NEIL2: variants seen among roughly 807,000 people sequenced by gnomAD.
NEIL2 encodes endonuclease 8-like 2.
In NEIL2, 23 loss-of-function variants were observed where a neutral mutation model predicts 22.2. The ratio of observed to expected loss-of-function variants is 1.04; its 90% confidence interval spans 0.75 to 1.47. The LOEUF (loss-of-function observed/expected upper bound fraction) is 1.47. Ranked by LOEUF, NEIL2 falls within the 40% of genes most tolerant of loss-of-function variation. The pLI, the probability that NEIL2 is intolerant of heterozygous loss-of-function variation, is 0.00. For missense variants in NEIL2, 583 were observed against 404.7 expected, an observed-to-expected ratio of 1.44 and a Z score of -3.78; for synonymous variants, 229 against 164.8, an observed-to-expected ratio of 1.39 and a Z score of -2.99.
Position 11,769,930 on chromosome 8 carries a change from C to G in NEIL2, c.-408C>G, listed in dbSNP as rs537869905. 3.3e-5 allele frequency: 5 copies of G among 152,450 alleles called. No individual in the cohort carries two copies. 9.4% of individuals were successfully genotyped at this position (152,450 alleles called of 1,614,324 possible). On this transcript the variant is annotated 5_prime_UTR_variant, in exon 1 of 5. Coordinates refer to ENST00000284503, the MANE Select transcript of NEIL2 (RefSeq NM_145043.4). Reference sequence around the variant, plus strand: ...TGCTGCCCACGCCTGGAGGCCCCCACTGACCCTCAGACCCGCGTCTGCGCC... The same window carrying G: ...TGCTGCCCACGCCTGGAGGCCCCCAGTGACCCTCAGACCCGCGTCTGCGCC...
intron 4 of NEIL2, among the ~76,000 whole-genome samples, chr8:11,784,561 T>A (rs1446220188): frequency 1.3e-5 from 2 of 152,160 alleles, no homozygotes; most frequent in Non-Finnish European, 2.9e-5. Flanking sequence ...ACAGCAGGAA[T>A]TTCCTTCACC....
intron 3 of NEIL2, among the ~76,000 whole-genome samples, chr8:11,782,177 C>G (rs1176367225): frequency 6.6e-6 from 1 of 152,076 alleles, no homozygotes. Context: ...AATCCCAGCA[C>G]TTTACGAGGC....
chr8:11,780,089 GC>G, intron 3 of NEIL2, 139 bp downstream of exon 3: 1 of 677,324 alleles, frequency 1.5e-6, no homozygotes, highest in Non-Finnish European at 2.5e-6. Flanking sequence ...GGGGAGAGAG[GC>G]CACCTCTGTA....
Position 11,785,963 on chromosome 8 carries a change from G to A in NEIL2, c.689G>A (p.Gly230Glu), listed in dbSNP as rs1418662754. The A allele has an allele frequency of 6.2e-7, 1 of 1,613,684 alleles. No homozygotes were observed. Among genetic ancestry groups the A allele is most frequent in the African/African-American group, 1.3e-5 (1 of 74,854 alleles). Reference sequence around the variant, plus strand: ...CTTACCTTCCCCCGCTTTATTTCAGGGAACATCATTAAGAATGAAGCCTTG... The same window carrying A: ...CTTACCTTCCCCCGCTTTATTTCAGAGAACATCATTAAGAATGAAGCCTTG... Reference protein sequence around the residue: ...LLDQRYFSGLGNIIKNEALYR... With the variant: ...LLDQRYFSGLENIIKNEALYR... Residue 230 changes from glycine (G) to glutamate (E), a missense_variant and splice_region_variant, in exon 5 of 5, where the codon GGG becomes GAG. By Grantham distance (98) the Gly-to-Glu change is moderately conservative (BLOSUM62 -2). Transcript: ENST00000284503.
chr8:11,771,017 G>A (rs887201942), intron 1 of NEIL2, among the ~76,000 whole-genome samples: 2 of 152,192 alleles, frequency 1.3e-5, no homozygotes, highest in African/African-American at 2.4e-5. Flanking sequence ...TAAGTCGGCA[G>A]CAGTGGGTCA....
At chr8:11,781,354 C>G (rs976543153) in intron 3 of NEIL2, among the ~76,000 whole-genome samples, 1 of 152,152 alleles carries the variant, frequency 6.6e-6, no homozygotes, top group African/African-American at 2.4e-5. Context: ...TTTGCACTTT[C>G]CACGCATTGG....
chr8:11,772,754 G>A (rs1298340498), intron 2 of NEIL2, among the ~76,000 whole-genome samples: 2 of 152,202 alleles, frequency 1.3e-5, no homozygotes, highest in African/African-American at 4.8e-5. Context: ...CTGCTGCTTA[G>A]CCGTGTGCTC....
chr8:11,770,495 G>C (rs1162365014), intron 1 of NEIL2, among the ~76,000 whole-genome samples, 160 bp downstream of exon 1: 4 of 152,216 alleles, frequency 2.6e-5, no homozygotes, highest in Admixed American at 2.0e-4. Context: ...CCGAATATGA[G>C]AATGCCGAGA....
chr8:11,786,325 T>C lies in NEIL2; in HGVS notation c.*52T>C, dbSNP rs1563269604. 6.4e-7 allele frequency: 1 copy of C among 1,555,560 alleles called. No individual in the cohort carries two copies. Among genetic ancestry groups the C allele is most frequent in the Admixed American group, 1.8e-5 (1 of 54,870 alleles). On this transcript the variant is annotated 3_prime_UTR_variant, in exon 5 of 5. Coordinates refer to ENST00000284503, the MANE Select transcript of NEIL2 (RefSeq NM_145043.4). ...CTTGCCGCTTGGGGAACCTGACGTCTAAGTGTCCAGAAAGGAGGATGTGGG... is the reference window on the plus strand; with the variant it reads ...CTTGCCGCTTGGGGAACCTGACGTCCAAGTGTCCAGAAAGGAGGATGTGGG...
intron 2 of NEIL2, among the ~76,000 whole-genome samples, chr8:11,779,353 T>C (rs804256): frequency 0.29 from 43,955 of 152,208 alleles, 7,520 homozygotes; most frequent in Admixed American, 0.37. Context: ...AGGGTGGCCT[T>C]GCCATCTTGC....
chr8:11,785,372 T>A (rs1408178300), intron 4 of NEIL2, among the ~76,000 whole-genome samples: 1 of 151,936 alleles, frequency 6.6e-6, no homozygotes, highest in Non-Finnish European at 1.5e-5. Flanking sequence ...ATTTTTGTAT[T>A]TTTGGTAGAG....
intron 2 of NEIL2, 23 bp downstream of exon 2, chr8:11,771,608 G>C (rs750545682): frequency 1.9e-6 from 3 of 1,606,328 alleles, no homozygotes; most frequent in Admixed American, 3.4e-5. Context: ...TCCTCTGAAG[G>C]GTTGGCTCTG....
At chr8:11,784,555 C>T (rs1165320475) in intron 4 of NEIL2, among the ~76,000 whole-genome samples, 1 of 152,166 alleles carries the variant, frequency 6.6e-6, no homozygotes, top group African/African-American at 2.4e-5. Context: ...TTGGAAACAG[C>T]AGGAATTTCC....
chr8:11,786,258 G>T lies in NEIL2; in HGVS notation c.984G>T (p.Gln328His), dbSNP rs745588492. 6.1e-5 allele frequency: 98 copies of T among 1,612,210 alleles called. No homozygotes were observed. The Middle Eastern group carries it at 1.3e-3, about 21-fold the overall frequency. The part of the protein sequence containing the change: ...CQPQLSEEPE[Q>H]CQFS ...CCCAGTTGTCAGAGGAGCCAGAGCAGTGCCAGTTCTCCTAAGGAGCTGGTG... is the reference window on the plus strand; with the variant it reads ...CCCAGTTGTCAGAGGAGCCAGAGCATTGCCAGTTCTCCTAAGGAGCTGGTG... Residue 328 changes from glutamine (Q) to histidine (H), a missense_variant, in exon 5 of 5, where the codon CAG becomes CAT. Coordinates refer to ENST00000284503, the MANE Select transcript of NEIL2 (RefSeq NM_145043.4).
chr8:11,770,866 T>G (rs2686211), intron 1 of NEIL2, among the ~76,000 whole-genome samples: 1 of 152,092 alleles, frequency 6.6e-6, no homozygotes, highest in African/African-American at 2.4e-5. Context: ...TCTGTAGCTA[T>G]GCCGGGCTTA....
chr8:11,782,758 C>A (rs938344122), intron 3 of NEIL2: 1 of 272,248 alleles, frequency 3.7e-6, no homozygotes, highest in Non-Finnish European at 7.2e-6. Context: ...ACAGAGTGTG[C>A]TCTGACTACG....
At chr8:11,773,635 A>G (rs1048616076) in intron 2 of NEIL2, among the ~76,000 whole-genome samples, 1 of 152,100 alleles carries the variant, frequency 6.6e-6, no homozygotes, top group Non-Finnish European at 1.5e-5. Flanking sequence ...GAGGGAGGAA[A>G]GGGCATTTCA....
intron 2 of NEIL2, among the ~76,000 whole-genome samples, chr8:11,772,927 G>A (rs965511883): frequency 2.6e-5 from 4 of 151,024 alleles, no homozygotes; most frequent in Admixed American, 6.6e-5. Flanking sequence ...CCCCACCCCC[G>A]CAACACACAC....
Position 11,786,011 on chromosome 8 carries a change from T to G in NEIL2, c.737T>G (p.Leu246Arg). The part of the protein sequence containing the change: ...EALYRAGIHP[L>R]SLGSVLSASR... ...TTGTACAGAGCTGGGATCCATCCCCTTTCTCTCGGTTCAGTCCTGAGTGCC... is the reference window on the plus strand; with the variant it reads ...TTGTACAGAGCTGGGATCCATCCCCGTTCTCTCGGTTCAGTCCTGAGTGCC... Residue 246 changes from leucine (L) to arginine (R), a missense_variant, in exon 5 of 5, where the codon CTT becomes CGT. Physicochemically the swap from Leu to Arg is moderately radical, Grantham distance 102 (BLOSUM62 -2). Coordinates refer to ENST00000284503, the MANE Select transcript of NEIL2 (RefSeq NM_145043.4). 2 of 1,614,174 alleles carry G rather than the reference T, an allele frequency of 1.2e-6. No homozygotes were observed. The highest frequency in any genetic ancestry group is 1.7e-6 in the Non-Finnish European group (2 of 1,180,024).
Sources: allele counts gnomAD v4.1 joint callset (sites outside exome capture counted in the v4.1 genomes callset), GRCh38; gene constraint gnomAD v4.1.1; transcripts MANE v1.5; gene names NCBI Gene and HGNC (gene_info 2026-07-23, HGNC 2026-07-21).